The following CLDND1 variants were observed in gnomAD, a reference collection of about 807,000 sequenced individuals.
The protein encoded by CLDND1 is claudin domain-containing protein 1.
In CLDND1, 13 loss-of-function variants were observed where a neutral mutation model predicts 26.3. The observed-to-expected ratio is 0.49, with a 90% CI of 0.32 to 0.78. The LOEUF (loss-of-function observed/expected upper bound fraction) is 0.78, where lower values mean the gene tolerates loss of function less well. Among genes scored for constraint, CLDND1 ranks in the 30% least tolerant of loss-of-function variants. CLDND1 has a pLI of 0.03. For synonymous variants in CLDND1, 107 were observed against 107.0 expected (o/e 1.00, Z 0.00); for missense variants, 289 against 312.8 (o/e 0.92, Z 0.57).
chr3:98,522,381 C>T (rs2107161251), intron 1 of CLDND1: 1 of 275,172 alleles, frequency 3.6e-6, no homozygotes, highest in South Asian at 7.9e-5. Flanking sequence ...AAACACCTTA[C>T]AAAGGTTCAT....
At chr3:98,522,036 G>T in intron 1 of CLDND1, 1 of 257,032 alleles carries the variant, frequency 3.9e-6, no homozygotes. Flanking sequence ...ACAATAACAT[G>T]TAATAATGCT....
chr3:98,522,057 C>T, intron 1 of CLDND1: 1 of 222,314 alleles, frequency 4.5e-6, no homozygotes, highest in Non-Finnish European at 8.9e-6. Context: ...AGATAGCAAT[C>T]TCTCCCTAAT....
At position 98,516,963 on chromosome 3, in the gene CLDND1, G is replaced by A. The variant is rs1706167259; in HGVS notation, c.542-84C>T. 6 of 1,607,342 alleles carry A rather than the reference G, an allele frequency of 3.7e-6. No homozygotes were observed. The South Asian group carries it at 6.6e-5, about 18-fold the overall frequency. ...GCTTTTCAGGCAATGTGACAGGGCAGTTAATACGTGAACATTTCAGATTTA... is the reference window on the plus strand; with the variant it reads ...GCTTTTCAGGCAATGTGACAGGGCAATTAATACGTGAACATTTCAGATTTA... On this transcript the variant is annotated intron_variant, in intron 4 of 4. Transcript: ENST00000341181.
Position 98,515,819 on chromosome 3 carries a change from T to TA in CLDND1, c.*839_*840insT. The TA allele has an allele frequency of 7.8e-7, 1 of 1,289,658 alleles. No individual in the cohort carries two copies. The highest frequency in any genetic ancestry group is 1.0e-6 in the Non-Finnish European group (1 of 988,804). 79.9% of individuals were successfully genotyped at this position (1,289,658 alleles called of 1,614,324 possible). A position where few individuals can be genotyped will look rare whatever the true frequency, so the allele number is the denominator to read the frequency against. ...GGAGGGTCATTATGGTGAAACGTTCTTTATAGTACTGGGCTGGAATAAATA... is the reference window on the plus strand; with the variant it reads ...GGAGGGTCATTATGGTGAAACGTTCTATTATAGTACTGGGCTGGAATAAATA... On this transcript the variant is annotated 3_prime_UTR_variant, in exon 5 of 5. Coordinates refer to ENST00000341181, the MANE Select transcript of CLDND1 (RefSeq NM_001040181.2).
At chr3:98,520,077 C>T (rs1706340727) in intron 2 of CLDND1, among the ~76,000 whole-genome samples, 1 of 152,312 alleles carries the variant, frequency 6.6e-6, no homozygotes, top group East Asian at 1.9e-4. Flanking sequence ...ATTCTGTTCA[C>T]TGCCTGTCAT....
chr3:98,521,917 A>G (rs1706432082), intron 1 of CLDND1: 1 of 548,022 alleles, frequency 1.8e-6, no homozygotes, highest in African/African-American at 1.9e-5. Context: ...TGAAGAGGGA[A>G]GCCTCCTAAA....
rs1404475428 is a variant in CLDND1, at chr3:98,516,474, T to TA, written c.*184dup. ...ATTTGAAAGATGGCATCGCTTAAAGTAAACCACATAAATTTTAGTGGTATT... is the reference window on the plus strand; with the variant it reads ...ATTTGAAAGATGGCATCGCTTAAAGTAAAACCACATAAATTTTAGTGGTATT... On this transcript the variant is annotated 3_prime_UTR_variant, in exon 5 of 5. Transcript: ENST00000341181. The TA allele has an allele frequency of 1.4e-6, 2 of 1,387,400 alleles. No homozygotes were observed. The highest frequency in any genetic ancestry group is 2.9e-5 in the African/African-American group (2 of 68,846). 85.9% of individuals were successfully genotyped at this position (1,387,400 alleles called of 1,614,324 possible).
At chr3:98,520,922 G>T (rs1706380069) in intron 2 of CLDND1, 2 of 459,380 alleles carry the variant, frequency 4.4e-6, no homozygotes, top group Admixed American at 3.8e-5. Flanking sequence ...CCCAAGATAA[G>T]AAAAGTTCCT....
At chr3:98,522,548 G>A in intron 1 of CLDND1, 2 of 1,322,760 alleles carry the variant, frequency 1.5e-6, no homozygotes, top group Non-Finnish European at 1.9e-6. Flanking sequence ...TGACCTTAAA[G>A]GGTCCCAGCA....
chr3:98,516,557 T>C lies in CLDND1; in HGVS notation c.*102A>G. 1 of 1,441,148 alleles carries C rather than the reference T, an allele frequency of 6.9e-7. No individual in the cohort carries two copies. The highest frequency in any genetic ancestry group is 1.5e-5 in the South Asian group (1 of 66,414). 89.3% of individuals were successfully genotyped at this position (1,441,148 alleles called of 1,614,324 possible). A position where few individuals can be genotyped will look rare whatever the true frequency, so the allele number is the denominator to read the frequency against. ...AAAATAGATTTTCATAATAAAATGG[T>C]ATATCCACAAATAAAAATTAAAAAC... On this transcript the variant is annotated 3_prime_UTR_variant, in exon 5 of 5. Coordinates refer to ENST00000341181, the MANE Select transcript of CLDND1 (RefSeq NM_001040181.2).
Position 98,516,392 on chromosome 3 carries a change from T to C in CLDND1, c.*267A>G, listed in dbSNP as rs1179402170. ...TCACATTCCTACTCCCAATTTTCTT[T>C]CATAAATTTGTGTCAAGTCTCTATC... On this transcript the variant is annotated 3_prime_UTR_variant, in exon 5 of 5. Transcript: ENST00000341181. 1 of 1,192,670 alleles carries C rather than the reference T, an allele frequency of 8.4e-7. No individual in the cohort carries two copies. The highest frequency in any genetic ancestry group is 1.0e-6 in the Non-Finnish European group (1 of 961,780). The allele number at this position is 1,192,670 out of a possible 1,614,324, so 73.9% of individuals were successfully genotyped here.
rs1463145390 is a variant in CLDND1 at position 98,521,212 on chromosome 3, G to A, written c.213C>T (p.Tyr71=). The change falls in exon 2 of 5, where the codon TAC becomes TAT. Residue 71 remains tyrosine (Y), a synonymous_variant. Transcript: ENST00000341181. ...GTCTCCACAATCCCACTGTGCCATT[G>A]TATCGAAAAAGTGCATCATTATAAG... ...EKTYNDALFR[Y]NGTVGLWRRC... is the part of the protein sequence containing the mutation. 1 of 1,614,172 alleles carries A rather than the reference G, an allele frequency of 6.2e-7. No individual in the cohort carries two copies. Among genetic ancestry groups the A allele is most frequent in the Non-Finnish European group, 8.5e-7 (1 of 1,180,026 alleles).
In CLDND1 at chr3:98,522,881, C is replaced by G; in HGVS notation, c.-51G>C. The G allele has an allele frequency of 6.2e-7, 1 of 1,613,666 alleles. No individual in the cohort carries two copies. Among genetic ancestry groups the G allele is most frequent in the Non-Finnish European group, 8.5e-7 (1 of 1,179,672 alleles). ...CCTCCTGCTCCGCCAGCTTCACCCT[C>G]TAGCTCAGACCACAGCACCCTACTC... On this transcript the variant is annotated 5_prime_UTR_variant, in exon 1 of 5. Transcript: ENST00000341181.
Position 98,515,900 on chromosome 3 carries a change from C to T in CLDND1, c.*759G>A. The stretch of plus-strand genomic sequence containing the variant: ...TGTAATATAATGTAAAAAGAAAGCA[C>T]ACTTTTAATAACCCTGGTATGTGAA... On this transcript the variant is annotated 3_prime_UTR_variant, in exon 5 of 5. Coordinates refer to ENST00000341181, the MANE Select transcript of CLDND1 (RefSeq NM_001040181.2). The T allele has an allele frequency of 3.1e-6, 4 of 1,275,492 alleles. No individual in the cohort carries two copies. Among genetic ancestry groups the T allele is most frequent in the Non-Finnish European group, 4.1e-6 (4 of 980,838 alleles). The allele number at this position is 1,275,492 out of a possible 1,614,324, so 79.0% of individuals were successfully genotyped here.
intron 1 of CLDND1, chr3:98,522,533 T>C: frequency 8.0e-7 from 1 of 1,257,216 alleles, no homozygotes; most frequent in Non-Finnish European, 1.0e-6. Flanking sequence ...CCTGGTGCTC[T>C]CAAATGACCT....
Position 98,516,762 on chromosome 3 carries a change from C to T in CLDND1, c.659G>A (p.Cys220Tyr), listed in dbSNP as rs770677430. ...GEFGWSFCLA[C>Y]VSAPLQFMAS... ...CATGAACTGTAAGGGAGCAGAGACA[C>T]AAGCCAGGCAGAAGGACCATCCAAA... Residue 220 changes from cysteine (C) to tyrosine (Y), a missense_variant, in exon 5 of 5, where the codon TGT (cysteine) becomes TAT (tyrosine). Coordinates refer to ENST00000341181, the MANE Select transcript of CLDND1 (RefSeq NM_001040181.2). 6.2e-7 allele frequency: 1 copy of T among 1,614,136 alleles called. No homozygotes were observed. Among genetic ancestry groups the T allele is most frequent in the South Asian group, 1.1e-5 (1 of 91,088 alleles).
At chr3:98,522,732 G>C in intron 1 of CLDND1, 117 bp downstream of exon 1, 1 of 1,580,184 alleles carries the variant, frequency 6.3e-7, no homozygotes, top group Non-Finnish European at 8.6e-7. Context: ...GGACAAATCC[G>C]CCGCTCGGAA....
At position 98,516,797 on chromosome 3, in the gene CLDND1, T is replaced by C. The variant is rs372513914; in HGVS notation, c.624A>G (p.Val208=). Residue 208 remains valine (V), a synonymous_variant, in exon 5 of 5, where the codon GTA becomes GTG. Transcript: ENST00000341181. ...LHQKLELPDN[V]SGEFGWSFCL... is the part of the protein sequence containing the mutation. ...AGAAGGACCATCCAAATTCACCGGA[T>C]ACATTGTCAGGGAGCTCTAGTTTCT... 5.3e-5 allele frequency: 85 copies of C among 1,614,052 alleles called. No homozygotes were observed. The highest frequency in any genetic ancestry group is 6.9e-5 in the Non-Finnish European group (81 of 1,180,034).
chr3:98,521,791 T>G, intron 1 of CLDND1: 1 of 1,151,880 alleles, frequency 8.7e-7, no homozygotes, highest in Non-Finnish European at 1.3e-6. Context: ...GTGCACACAT[T>G]TTAAATTACA....
Sources: allele counts gnomAD v4.1 joint callset (sites outside exome capture counted in the v4.1 genomes callset), GRCh38; gene constraint gnomAD v4.1.1; transcripts MANE v1.5; gene names NCBI Gene and HGNC (gene_info 2026-07-23, HGNC 2026-07-21).